The following CPNE4 variants were observed in gnomAD, a reference collection of about 807,000 sequenced individuals.
The protein encoded by CPNE4 is copine-4.
Under a neutral mutation model 67.9 loss-of-function variants are expected in CPNE4, and 25 were observed. The ratio of observed to expected loss-of-function variants is 0.37; its 90% CI spans 0.27 to 0.51. The LOEUF (loss-of-function observed/expected upper bound fraction) is 0.51, where lower values mean the gene tolerates loss of function less well. Ranked by LOEUF, CPNE4 falls within the 20% of genes least tolerant of loss-of-function variation. The pLI is 0.93. For missense variants in CPNE4, 464 were observed against 690.8 expected, an observed-to-expected ratio of 0.67 and a Z score of 3.68; for synonymous variants, 242 against 244.9, an observed-to-expected ratio of 0.99 and a Z score of 0.11.
intron 2 of CPNE4, among the ~76,000 whole-genome samples, chr3:131,725,077 G>T (rs909793923): frequency 1.3e-5 from 2 of 152,184 alleles, no homozygotes; most frequent in African/African-American, 4.8e-5. Flanking sequence ...GATGTTTTCT[G>T]ACATTTGTTA....
chr3:131,542,432 T>A (rs1935556081), intron 15 of CPNE4, 125 bp downstream of exon 15: 1 of 748,010 alleles, frequency 1.3e-6, no homozygotes, highest in Admixed American at 1.8e-5. Flanking sequence ...CAAGGGTATG[T>A]AGAGCATAGC....
intron 8 of CPNE4, 70 bp downstream of exon 8, chr3:131,587,414 C>G: frequency 2.1e-6 from 2 of 962,376 alleles, no homozygotes; most frequent in Non-Finnish European, 3.4e-6. Context: ...CTTGCTGTTT[C>G]ATTGGTAGCT....
chr3:131,561,065 G>T (rs1936736405), intron 11 of CPNE4, among the ~76,000 whole-genome samples: 1 of 152,010 alleles, frequency 6.6e-6, no homozygotes, highest in Admixed American at 6.6e-5. Flanking sequence ...GTACATCATG[G>T]AGAAATGCTG....
chr3:131,923,704 C>CAAAAAAAAAAAAA (rs3041574), intron 1 of CPNE4, among the ~76,000 whole-genome samples: 11 of 39,282 alleles, frequency 2.8e-4, no homozygotes, highest in Non-Finnish European at 3.6e-4. Context: ...GACTCCGTCT[C>CAAAAAAAAAAAAA]AAAAAAAAAA....
In CPNE4 at chr3:131,700,054, C is replaced by CTTTTTTTTTTTTTTTTT. The variant is rs3035263; in HGVS notation, c.361-91_361-75dup. On this transcript the variant is annotated intron_variant, in intron 3 of 15. Transcript: ENST00000429747. ...TTAACTGTAGATCTATTTTTTAAAC[C>CTTTTTTTTTTTTTTTTT]TTTTTTTTTTTTTTTTTTTTTTTAC... 2.3e-3 allele frequency: 597 copies of CTTTTTTTTTTTTTTTTT among 254,636 alleles called. 14 individuals carry two copies. Among genetic ancestry groups the CTTTTTTTTTTTTTTTTT allele is most frequent in the African/African-American group, 0.017 (497 of 30,000 alleles). The allele number at this position is 254,636 out of a possible 1,614,324, so 15.8% of individuals were successfully genotyped here. A position where few individuals can be genotyped will look rare whatever the true frequency, so the allele number is the denominator to read the frequency against.
At chr3:131,725,225 C>T (rs572468903) in intron 2 of CPNE4, among the ~76,000 whole-genome samples, 95 of 152,268 alleles carry the variant, frequency 6.2e-4, no homozygotes, top group African/African-American at 2.0e-3. Context: ...TTGTTCTAGC[C>T]ACCCCTAACA....
intron 7 of CPNE4, among the ~76,000 whole-genome samples, chr3:131,661,057 A>C (rs1436182686): frequency 6.6e-6 from 1 of 152,230 alleles, no homozygotes; most frequent in Non-Finnish European, 1.5e-5. Flanking sequence ...ACATTGATAT[A>C]AAAGTTTTAC....
intron 2 of CPNE4, among the ~76,000 whole-genome samples, chr3:131,836,973 A>G (rs185722071): frequency 1.3e-5 from 2 of 152,308 alleles, no homozygotes; most frequent in African/African-American, 4.8e-5. Context: ...ATATGAAAAG[A>G]TGTTCAATAT....
intron 1 of CPNE4, among the ~76,000 whole-genome samples, chr3:131,976,674 T>C (rs1363158278): frequency 6.6e-6 from 1 of 152,120 alleles, no homozygotes; most frequent in Non-Finnish European, 1.5e-5. Flanking sequence ...AATGACCTGA[T>C]TGTATAACGA....
rs575794135 is a variant in CPNE4 at position 131,766,221 on chromosome 3, C to T, written c.181-42596G>A. On this transcript the variant is annotated intron_variant, in intron 2 of 15. Coordinates refer to ENST00000429747, the MANE Select transcript of CPNE4 (RefSeq NM_130808.3). Reference sequence around the variant, plus strand: ...GTCCAATACTCTAAGCCTCAGTTTTCTCATCTGTAAAATGAAATTACAAAT... The same window carrying T: ...GTCCAATACTCTAAGCCTCAGTTTTTTCATCTGTAAAATGAAATTACAAAT... Among the ~76,000 whole-genome samples, 20 of 152,272 alleles carry T rather than the reference C, an allele frequency of 1.3e-4. No homozygotes were observed. The East Asian group carries it at 3.1e-3, about 24-fold the overall frequency.
At chr3:131,932,283 G>T (rs1478110580) in intron 1 of CPNE4, among the ~76,000 whole-genome samples, 1 of 152,098 alleles carries the variant, frequency 6.6e-6, no homozygotes, top group Non-Finnish European at 1.5e-5. Flanking sequence ...AAGGAAACCT[G>T]GCTATCTGAA....
upstream of CPNE4, chr3:132,037,830 A>T (rs2074364579): frequency 1.9e-6 from 1 of 528,268 alleles, no homozygotes; most frequent in South Asian, 2.6e-5. Flanking sequence ...AAGGGAAGAA[A>T]TGTGGATTCT....
At chr3:131,912,293 C>T (rs1005055261) in intron 1 of CPNE4, among the ~76,000 whole-genome samples, 11 of 152,184 alleles carry the variant, frequency 7.2e-5, no homozygotes, top group African/African-American at 2.6e-4. Context: ...GAGTTGCAAA[C>T]AACACAAAGA....
Position 131,547,129 on chromosome 3 carries a change from C to T in CPNE4, c.1302+2818G>A, listed in dbSNP as rs77723351. Among the ~76,000 whole-genome samples, 1,154 of 152,164 alleles carry T rather than the reference C, an allele frequency of 7.6e-3. 17 individuals carry two copies. The highest frequency in any genetic ancestry group is 0.026 in the African/African-American group (1,087 of 41,504). ...GGGAAGCCTTTGCAGGGCCCACGCA[C>T]TGGTGGAAATGTTGGTCTATAATCC... On this transcript the variant is annotated intron_variant, in intron 14 of 15. Transcript: ENST00000429747.
chr3:131,696,612 A>G lies in CPNE4; in HGVS notation c.437T>C (p.Ile146Thr). ...NTAGKSSITV[I>T]AEELSGNDDY... is the part of the protein sequence containing the mutation. ...GTCATTGCCAGATAATTCTTCAGCA[A>G]TCACCTAAAGGAAAAAGCACACATC... is the stretch of plus-strand genomic sequence containing the variant. The change falls in exon 5 of 16, where the codon ATT (isoleucine) becomes ACT (threonine). Residue 146 changes from isoleucine (I) to threonine (T), a missense_variant. Ile to Thr is a moderately conservative substitution (Grantham distance 89). Transcript: ENST00000429747. 6.2e-7 allele frequency: 1 copy of G among 1,614,026 alleles called. No individual in the cohort carries two copies. The highest frequency in any genetic ancestry group is 2.2e-5 in the East Asian group (1 of 44,872).
intron 2 of CPNE4, among the ~76,000 whole-genome samples, chr3:131,867,364 C>G (rs1036619356): frequency 4.6e-5 from 7 of 151,888 alleles, no homozygotes; most frequent in Admixed American, 1.3e-4. Context: ...AAAGAATGAA[C>G]AAAAAGTTAA....
chr3:131,827,531 C>T (rs1474675743), intron 2 of CPNE4, among the ~76,000 whole-genome samples: 1 of 152,058 alleles, frequency 6.6e-6, no homozygotes, highest in Admixed American at 6.6e-5. Context: ...ATTTTATGAC[C>T]TAAACACAAT....
In CPNE4 at chr3:131,978,548, AT is replaced by A. The variant is rs1433148798; in HGVS notation, c.-2+56018del. 3.4e-3 allele frequency among the ~76,000 whole-genome samples: 315 copies of A among 92,612 alleles called. 11 individuals are homozygous for A. Among genetic ancestry groups the A allele is most frequent in the African/African-American group, 0.012 (300 of 24,806 alleles). 60.8% of individuals were successfully genotyped at this position (92,612 alleles called of 152,430 possible). On this transcript the variant is annotated intron_variant, in intron 1 of 15. Transcript: ENST00000429747. ...TAAATATAAATATATATAAATATATATATATATATATGCCACAGTTTCTTTA... is the reference window on the plus strand; with the variant it reads ...TAAATATAAATATATATAAATATATAATATATATATGCCACAGTTTCTTTA...
chr3:131,760,989 C>G (rs1285858541), intron 2 of CPNE4, among the ~76,000 whole-genome samples: 1 of 152,080 alleles, frequency 6.6e-6, no homozygotes, highest in African/African-American at 2.4e-5. Flanking sequence ...AGGGAAGAGA[C>G]ACACTTTCCT....
Sources: allele counts gnomAD v4.1 joint callset (sites outside exome capture counted in the v4.1 genomes callset), GRCh38; gene constraint gnomAD v4.1.1; transcripts MANE v1.5; gene names NCBI Gene and HGNC (gene_info 2026-07-23, HGNC 2026-07-21).